The following RILPL1 variants were observed in gnomAD, a reference collection of about 807,000 sequenced individuals.
RILPL1 encodes RILP-like protein 1.
RILPL1 carries 33 observed loss-of-function variants against 50.3 expected under a neutral mutation model. The ratio of observed to expected loss-of-function variants is 0.66; its 90% CI spans 0.50 to 0.88. The LOEUF is 0.88. RILPL1 is among the 40% of genes least tolerant of loss of function. The pLI is 0.00. For missense variants in RILPL1, 418 were observed against 542.5 expected (o/e 0.77, Z 2.28); for synonymous variants, 205 against 228.6 (o/e 0.90, Z 0.93).
intron 2 of RILPL1, among the ~76,000 whole-genome samples, chr12:123,516,401 G>A (rs1884696639): frequency 6.6e-6 from 1 of 152,226 alleles, no homozygotes. Context: ...AGGGGCTAAG[G>A]CTGAGGCCAC....
intron 2 of RILPL1, among the ~76,000 whole-genome samples, chr12:123,502,974 C>T (rs911596269): frequency 6.7e-6 from 1 of 148,572 alleles, no homozygotes; most frequent in Non-Finnish European, 1.5e-5. Flanking sequence ...TGCAGCCTCC[C>T]CCTCCTGGGT....
At chr12:123,480,800 G>A (rs1210333709) in intron 6 of RILPL1, among the ~76,000 whole-genome samples, 2 of 152,106 alleles carry the variant, frequency 1.3e-5, no homozygotes, top group Non-Finnish European at 2.9e-5. Flanking sequence ...GCTACCGTGG[G>A]CACCCCGTAT....
intron 6 of RILPL1, chr12:123,473,076 G>T: frequency 5.1e-6 from 1 of 196,198 alleles, no homozygotes. Context: ...GAATATAAGA[G>T]GATTCTGTTG....
chr12:123,523,774 G>A (rs570256428), intron 1 of RILPL1, 129 bp from the exon 2 acceptor site: 274 of 1,054,440 alleles, frequency 2.6e-4, no homozygotes, highest in African/African-American at 4.5e-4. Context: ...GAACTGGGCC[G>A]GCAAGGCCAC....
chr12:123,474,828 T>C (rs540170834), intron 6 of RILPL1: 4 of 152,376 alleles, frequency 2.6e-5, no homozygotes, highest in African/African-American at 9.6e-5. Flanking sequence ...GTTTGCTGGT[T>C]GCTAGTGTTG....
chr12:123,476,975 G>A (rs1201554279), intron 6 of RILPL1, among the ~76,000 whole-genome samples: 2 of 152,178 alleles, frequency 1.3e-5, no homozygotes, highest in Non-Finnish European at 2.9e-5. Context: ...CCCCAACTGC[G>A]ATGAGCTGCA....
At chr12:123,503,492 C>G (rs563477275) in intron 2 of RILPL1, among the ~76,000 whole-genome samples, 3 of 152,110 alleles carry the variant, frequency 2.0e-5, no homozygotes, top group South Asian at 4.2e-4. Flanking sequence ...CATGAGCCAC[C>G]GTGCCTGGCC....
intron 2 of RILPL1, among the ~76,000 whole-genome samples, chr12:123,500,269 T>A (rs1883292094): frequency 6.9e-6 from 1 of 144,022 alleles, no homozygotes; most frequent in African/African-American, 2.6e-5. Context: ...AGTTCCTATG[T>A]GTCCCTTTCT....
intron 2 of RILPL1, among the ~76,000 whole-genome samples, chr12:123,509,674 T>C (rs1370296798): frequency 6.6e-6 from 1 of 152,034 alleles, no homozygotes; most frequent in Non-Finnish European, 1.5e-5. Flanking sequence ...CGCCGTATGA[T>C]TCCACTTCCA....
At chr12:123,490,752 T>C (rs1882638933) in intron 4 of RILPL1, among the ~76,000 whole-genome samples, 3 of 88,148 alleles carry the variant, frequency 3.4e-5, no homozygotes, top group Admixed American at 1.1e-4. Context: ...AGTCCTGACT[T>C]TTTTTTTTTT....
chr12:123,523,483 AC>A lies in RILPL1; in HGVS notation c.460+11del, dbSNP rs746781445. The A allele has an allele frequency of 5.1e-5, 83 of 1,613,590 alleles. No individual in the cohort carries two copies. Among genetic ancestry groups the A allele is most frequent in the Middle Eastern group, 4.9e-4 (3 of 6,080 alleles). On this transcript the variant is annotated intron_variant, in intron 2 of 6. Transcript: ENST00000376874. ...GGCCGGCCCCCTTGCATTGGCGCCG[AC>A]CCCCACTTACCTTCATGCTTCTGGA... is the stretch of plus-strand genomic sequence containing the variant.
At chr12:123,483,553 C>A (rs1283899258) in intron 6 of RILPL1, among the ~76,000 whole-genome samples, 5 of 152,178 alleles carry the variant, frequency 3.3e-5, no homozygotes, top group Admixed American at 1.3e-4. Flanking sequence ...TTACAGATTT[C>A]TCTGGGGGAA....
In RILPL1 at chr12:123,472,464, G is replaced by A; in HGVS notation, c.*74C>T. ...GCACCGAGAGGCTTGAGGCAGCAAT[G>A]ACCCCTGGGCTGCAGTTCGGTTGCA... On this transcript the variant is annotated 3_prime_UTR_variant, in exon 7 of 7. Coordinates refer to ENST00000376874, the MANE Select transcript of RILPL1 (RefSeq NM_178314.5). 6.7e-7 allele frequency: 1 copy of A among 1,503,598 alleles called. No individual in the cohort carries two copies. Among genetic ancestry groups the A allele is most frequent in the Non-Finnish European group, 9.0e-7 (1 of 1,109,726 alleles). The allele number at this position is 1,503,598 out of a possible 1,614,324, so 93.1% of individuals were successfully genotyped here.
At position 123,485,597 on chromosome 12, in the gene RILPL1, A is replaced by C. The variant is rs1593541047; in HGVS notation, c.974+36T>G. On this transcript the variant is annotated intron_variant, in intron 5 of 6. Coordinates refer to ENST00000376874, the MANE Select transcript of RILPL1 (RefSeq NM_178314.5). This position sits in a 1 kb window ranked among gnomAD's most constrained non-coding sequence, Gnocchi z 4.0. ...GAAACTCTGGCTAACCTCAGTAAGG[A>C]GCCAGCTCGGGCCATCCAGCCCCAG... The C allele has an allele frequency of 6.3e-7, 1 of 1,599,734 alleles. No homozygotes were observed. The highest frequency in any genetic ancestry group is 8.5e-7 in the Non-Finnish European group (1 of 1,171,830).
Position 123,483,103 on chromosome 12 carries a change from A to T in RILPL1, c.1067+1077T>A, listed in dbSNP as rs1193537751. ...TCCAACCCACACGCCCTGTTTTCAC[A>T]AAGTTTCTTGTGGGTTTTGGAGGAA... On this transcript the variant is annotated intron_variant, in intron 6 of 6. Coordinates refer to ENST00000376874, the MANE Select transcript of RILPL1 (RefSeq NM_178314.5). Among the ~76,000 whole-genome samples, 4 of 152,218 alleles carry T rather than the reference A, an allele frequency of 2.6e-5. No homozygotes were observed. The East Asian group carries it at 7.7e-4, about 29-fold the overall frequency.
intron 2 of RILPL1, among the ~76,000 whole-genome samples, chr12:123,515,859 AC>A: frequency 6.7e-6 from 1 of 148,546 alleles, no homozygotes. Flanking sequence ...ACATGGAGAA[AC>A]CCTGTCTCTA....
chr12:123,493,751 G>A (rs997443488), intron 4 of RILPL1, among the ~76,000 whole-genome samples: 4 of 150,802 alleles, frequency 2.7e-5, no homozygotes, highest in East Asian at 1.9e-4. Flanking sequence ...GACCCGGCCC[G>A]ATGCCTTCAA....
intron 4 of RILPL1, among the ~76,000 whole-genome samples, chr12:123,488,337 A>C (rs1882475257): frequency 1.3e-5 from 2 of 151,262 alleles, no homozygotes; most frequent in South Asian, 4.2e-4. Context: ...GTTACATAGG[A>C]GGCTGAGGCA....
chr12:123,480,839 T>C (rs1881932046), intron 6 of RILPL1, among the ~76,000 whole-genome samples: 1 of 152,156 alleles, frequency 6.6e-6, no homozygotes, highest in Non-Finnish European at 1.5e-5. Context: ...CTGATATTGC[T>C]TGGGGACCCA....
Sources: allele counts gnomAD v4.1 joint callset (sites outside exome capture counted in the v4.1 genomes callset), GRCh38; gene constraint gnomAD v4.1.1; non-coding constraint Gnocchi (gnomAD v3.1); transcripts MANE v1.5; gene names NCBI Gene and HGNC (gene_info 2026-07-23, HGNC 2026-07-21).